The following EPS8L2 variants were observed in gnomAD, a reference collection of about 807,000 sequenced individuals.
The protein encoded by EPS8L2 is EPS8 signaling adaptor L2.
EPS8L2 carries 81 observed loss-of-function variants against 99.4 expected under a neutral mutation model. The observed-to-expected ratio is 0.82, with a 90% CI of 0.68 to 0.98. The LOEUF (loss-of-function observed/expected upper bound fraction) is 0.98. Ranked by LOEUF, EPS8L2 falls within the 50% of genes least tolerant of loss-of-function variation. EPS8L2 has a pLI of 0.00. For missense variants in EPS8L2, 1,155 were observed against 968.8 expected (o/e 1.19, Z -2.55); for synonymous variants, 509 against 407.3 (o/e 1.25, Z -3.01).
chr11:709,566 C>T lies in EPS8L2; in HGVS notation c.58C>T (p.Arg20Trp), dbSNP rs746324962. The change falls in exon 3 of 21, where the codon CGG becomes TGG. Residue 20 changes from arginine (R) to tryptophan (W), a missense_variant. By Grantham distance (101) the Arg-to-Trp change is moderately radical. Transcript: ENST00000318562. The stretch of plus-strand genomic sequence containing the variant: ...CCTCCCCTGCAGTGGCAGCCTGGGC[C>T]GGTCCGACGGTGTGGCCAAGATGAG... Reference protein sequence around the residue: ...CPGATNGSLGRSDGVAKMSPK... With the variant: ...CPGATNGSLGWSDGVAKMSPK... 28 of 1,612,864 alleles carry T rather than the reference C, an allele frequency of 1.7e-5. No individual in the cohort carries two copies. The highest frequency in any genetic ancestry group is 1.9e-5 in the Non-Finnish European group (23 of 1,179,928).
Position 720,490 on chromosome 11 carries a change from G to C in EPS8L2, c.328-107G>C. 3 of 1,506,228 alleles carry C rather than the reference G, an allele frequency of 2.0e-6. No individual in the cohort carries two copies. In the South Asian group the frequency reaches 3.6e-5, roughly 18 times the overall value. The allele number at this position is 1,506,228 out of a possible 1,614,324, so 93.3% of individuals were successfully genotyped here. A position where few individuals can be genotyped will look rare whatever the true frequency, so the allele number is the denominator to read the frequency against. On this transcript the variant is annotated intron_variant, in intron 5 of 20. Transcript: ENST00000318562. Reference sequence around the variant, plus strand: ...CTCATCTTTGGGAGCCCATTCCCCAGCGGCGCCAGAGGGGCCTGTGCTCCA... The same window carrying C: ...CTCATCTTTGGGAGCCCATTCCCCACCGGCGCCAGAGGGGCCTGTGCTCCA...
intron 4 of EPS8L2, among the ~76,000 whole-genome samples, chr11:715,684 G>A (rs1474095270): frequency 3.7e-5 from 5 of 135,332 alleles, no homozygotes; most frequent in African/African-American, 5.7e-5. Flanking sequence ...GCAGTGGCAC[G>A]ATCTTGATTC....
intron 16 of EPS8L2, among the ~76,000 whole-genome samples, 185 bp downstream of exon 16, chr11:725,014 A>C (rs943159013): frequency 1.3e-5 from 2 of 152,184 alleles, no homozygotes; most frequent in Non-Finnish European, 2.9e-5. Flanking sequence ...AGCCTGTTGG[A>C]GGGGCCTTCC....
In EPS8L2 at chr11:726,055, G is replaced by C. The variant is rs916856249; in HGVS notation, c.1681-43G>C. 18 of 1,408,134 alleles carry C rather than the reference G, an allele frequency of 1.3e-5. No homozygotes were observed. The Admixed American group carries it at 3.3e-4, about 26-fold the overall frequency. The allele number at this position is 1,408,134 out of a possible 1,614,324, so 87.2% of individuals were successfully genotyped here. On this transcript the variant is annotated intron_variant, in intron 17 of 20. Coordinates refer to ENST00000318562, the MANE Select transcript of EPS8L2 (RefSeq NM_022772.4). The stretch of plus-strand genomic sequence containing the variant: ...AGGTCCCGGGCAGGTGCTGGGAGGC[G>C]GGGGCGGGGCGTGGGGAGCCTAATC...
At chr11:726,229 T>TG in intron 18 of EPS8L2, 59 bp downstream of exon 18, 4 of 1,534,540 alleles carry the variant, frequency 2.6e-6, no homozygotes, top group Non-Finnish European at 3.5e-6. Context: ...GGGGAGGAAG[T>TG]GTGGGGGGGG....
At chr11:715,705 C>T (rs1472580234) in intron 4 of EPS8L2, among the ~76,000 whole-genome samples, 1 of 148,154 alleles carries the variant, frequency 6.7e-6, no homozygotes, top group African/African-American at 2.5e-5. Context: ...ACTGCAAGCT[C>T]CGCCTCCTGG....
chr11:715,059 G>C (rs151248712), intron 4 of EPS8L2, among the ~76,000 whole-genome samples: 1 of 151,922 alleles, frequency 6.6e-6, no homozygotes, highest in Admixed American at 6.6e-5. Context: ...TGGCTAACAT[G>C]GTGAAACCCC....
chr11:714,655 A>G (rs1861971762), intron 4 of EPS8L2, among the ~76,000 whole-genome samples: 1 of 128,212 alleles, frequency 7.8e-6, no homozygotes, highest in Admixed American at 8.6e-5. Flanking sequence ...TTTATTTTAT[A>G]TTTATTTTAT....
chr11:718,672 CT>C (rs1174895390), intron 4 of EPS8L2, among the ~76,000 whole-genome samples: 215 of 128,130 alleles, frequency 1.7e-3, no homozygotes, highest in Middle Eastern at 4.2e-3. Flanking sequence ...TTTTTAATTT[CT>C]TTTTTTTTTT....
rs1267179274 is a variant in EPS8L2 at position 722,764 on chromosome 11, C to T, written c.1300C>T (p.Pro434Ser). 1 of 1,602,138 alleles carries T rather than the reference C, an allele frequency of 6.2e-7. No homozygotes were observed. Among genetic ancestry groups the T allele is most frequent in the South Asian group, 1.1e-5 (1 of 89,558 alleles). The change falls in exon 14 of 21, where the codon CCC becomes TCC. Residue 434 changes from proline (P) to serine (S), a missense_variant. Coordinates refer to ENST00000318562, the MANE Select transcript of EPS8L2 (RefSeq NM_022772.4). ...EPPVDVLQEA[P>S]WEVEGLASAP... ...TCCTGTGGATGTGCTGCAGGAGGCC[C>T]CCTGGGAGGTGGAGGGGCTGGCGTC...
intron 17 of EPS8L2, 86 bp downstream of exon 17, chr11:725,933 C>T: frequency 7.3e-7 from 1 of 1,379,174 alleles, no homozygotes; most frequent in South Asian, 1.6e-5. Context: ...AAGGCCAGCC[C>T]CGCGGCTGGA....
intron 7 of EPS8L2, 69 bp downstream of exon 7, chr11:720,978 G>GCCGGAAGGGGAGGGGAGGAGC: frequency 9.1e-7 from 1 of 1,097,666 alleles, no homozygotes; most frequent in South Asian, 1.4e-5. Flanking sequence ...GAGGGGAGGA[G>GCCGGAAGGGGAGGGGAGGAGC]CCGGCAGGGG....
At position 724,884 on chromosome 11, in the gene EPS8L2, G is replaced by C; in HGVS notation, c.1560+55G>C. Reference sequence around the variant, plus strand: ...GGGGAAACAGGGCAGGGCTTCAAGGGAGGGGCTACCAGGGGAGGTGGGGAG... The same window carrying C: ...GGGGAAACAGGGCAGGGCTTCAAGGCAGGGGCTACCAGGGGAGGTGGGGAG... On this transcript the variant is annotated intron_variant, in intron 16 of 20. Coordinates refer to ENST00000318562, the MANE Select transcript of EPS8L2 (RefSeq NM_022772.4). This position sits in a 1 kb window ranked among gnomAD's most constrained non-coding sequence, Gnocchi z 5.5. 1 of 1,373,484 alleles carries C rather than the reference G, an allele frequency of 7.3e-7. No homozygotes were observed. The highest frequency in any genetic ancestry group is 1.0e-6 in the Non-Finnish European group (1 of 967,122). The allele number at this position is 1,373,484 out of a possible 1,614,324, so 85.1% of individuals were successfully genotyped here.
chr11:722,692 C>T lies in EPS8L2; in HGVS notation c.1228C>T (p.Pro410Ser), dbSNP rs200209713. 4 of 1,608,410 alleles carry T rather than the reference C, an allele frequency of 2.5e-6. No homozygotes were observed. Among genetic ancestry groups the T allele is most frequent in the Middle Eastern group, 3.3e-4 (2 of 6,052 alleles). Reference sequence around the variant, plus strand: ...CCCCAGTTCCGAGTGGCCGCGGGAGCCACAGGTGCCCCTCTACGTGCCCAA... The same window carrying T: ...CCCCAGTTCCGAGTGGCCGCGGGAGTCACAGGTGCCCCTCTACGTGCCCAA... ...MRPRSEWPRE[P>S]QVPLYVPKFH... Residue 410 changes from proline (P) to serine (S), a missense_variant, in exon 14 of 21, where the codon CCA (proline) becomes TCA (serine). Pro to Ser is a moderately conservative substitution (Grantham distance 74). Coordinates refer to ENST00000318562, the MANE Select transcript of EPS8L2 (RefSeq NM_022772.4).
intron 4 of EPS8L2, among the ~76,000 whole-genome samples, chr11:711,106 C>G (rs1861875754): frequency 6.6e-6 from 1 of 152,114 alleles, no homozygotes; most frequent in Non-Finnish European, 1.5e-5. Context: ...CAGGGAGGCC[C>G]GGGCTGCTTC....
In EPS8L2 at chr11:724,618, G is replaced by C. The variant is rs1236545066; in HGVS notation, c.1455-106G>C. 3.9e-6 allele frequency: 3 copies of C among 761,378 alleles called. No individual in the cohort carries two copies. Among genetic ancestry groups the C allele is most frequent in the Non-Finnish European group, 6.9e-6 (3 of 433,188 alleles). 47.2% of individuals were successfully genotyped at this position (761,378 alleles called of 1,614,324 possible). Reference sequence around the variant, plus strand: ...CCACGGTGACCTCCAGAACAGAAAAGAGGCAGCCAGTCGTGCACCTGGGAA... The same window carrying C: ...CCACGGTGACCTCCAGAACAGAAAACAGGCAGCCAGTCGTGCACCTGGGAA... On this transcript the variant is annotated intron_variant, in intron 15 of 20. Coordinates refer to ENST00000318562, the MANE Select transcript of EPS8L2 (RefSeq NM_022772.4). The surrounding 1 kb of genome is among the most constrained non-coding windows in gnomAD (Gnocchi z 5.5).
Position 721,915 on chromosome 11 carries a change from C to T in EPS8L2, c.908C>T (p.Thr303Ile). 1 of 1,591,666 alleles carries T rather than the reference C, an allele frequency of 6.3e-7. No homozygotes were observed. Among genetic ancestry groups the T allele is most frequent in the Non-Finnish European group, 8.5e-7 (1 of 1,169,608 alleles). ...GKKAPAEGVL[T>I]LRARPPSEGE... The stretch of plus-strand genomic sequence containing the variant: ...CCTCCCATGCCAGAGGGCGTCCTCA[C>T]ACTGCGGGCACGGCCCCCCTCTGAG... Residue 303 changes from threonine to isoleucine, a missense_variant, in exon 11 of 21, where the codon ACA (threonine) becomes ATA (isoleucine). By Grantham distance (89) the Thr-to-Ile change is moderately conservative. Transcript: ENST00000318562.
intron 15 of EPS8L2, 54 bp downstream of exon 15, chr11:723,407 A>C (rs1862241950): frequency 2.5e-6 from 2 of 794,008 alleles, no homozygotes. Context: ...CAGAACCTAC[A>C]GTCTCTAAAA....
chr11:719,928 G>A (rs527470817), intron 4 of EPS8L2, 134 bp from the exon 5 acceptor site: 40 of 748,704 alleles, frequency 5.3e-5, no homozygotes, highest in East Asian at 3.9e-4. Context: ...CACCAAAGGC[G>A]GGGCCGGTCC....
Sources: gnomAD v4.1 joint callset for allele counts (sites outside exome capture counted in the v4.1 genomes callset) on GRCh38, gnomAD v4.1.1 for gene constraint, Gnocchi (gnomAD v3.1) non-coding constraint, MANE v1.5 for transcripts, NCBI Gene and HGNC (gene_info 2026-07-23, HGNC 2026-07-21) for gene names.